Variants in UMAD1 observed in about 807,000 individuals in gnomAD.
UMAD1 encodes the protein UBAP1-MVB12-associated (UMA) domain containing 1.
UMAD1 carries 8 observed loss-of-function variants against 6.1 expected under a neutral mutation model. That is an observed-to-expected ratio of 1.30 (90% CI 0.76 to 2.35). The LOEUF (loss-of-function observed/expected upper bound fraction) is 2.35, where lower values mean the gene tolerates loss of function less well. Ranked by LOEUF, UMAD1 falls within the 30% of genes most tolerant of loss-of-function variation. The probability of loss-of-function intolerance (pLI) is 0.00; values close to 1 mark genes in which losing one functional copy is unlikely to be tolerated. For synonymous variants in UMAD1, 56 were observed against 31.4 expected (o/e 1.78, Z -2.61); for missense variants, 130 against 78.4 (o/e 1.66, Z -2.49).
At chr7:7,728,799 T>C (rs559686535) in intron 2 of UMAD1, among the ~76,000 whole-genome samples, 2 of 152,350 alleles carry the variant, frequency 1.3e-5, no homozygotes, top group African/African-American at 4.8e-5. Flanking sequence ...TTCCTTCTCA[T>C]TTGTGGTGTA....
chr7:7,801,770 C>A (rs760201636), intron 3 of UMAD1, 27 bp downstream of exon 3: 2 of 715,930 alleles, frequency 2.8e-6, no homozygotes, highest in African/African-American at 3.5e-5. Flanking sequence ...AAGTCCTTTT[C>A]GGTGAAACTG....
intron 2 of UMAD1, among the ~76,000 whole-genome samples, chr7:7,735,254 G>A (rs1432715737): frequency 1.3e-5 from 2 of 152,152 alleles, no homozygotes; most frequent in Non-Finnish European, 2.9e-5. Context: ...GATCAAATTA[G>A]AAGGAAAGTT....
intron 3 of UMAD1, among the ~76,000 whole-genome samples, chr7:7,864,907 C>CTAATAAAAATTTT (rs1784198336): frequency 6.6e-6 from 1 of 152,022 alleles, no homozygotes; most frequent in South Asian, 2.1e-4. Flanking sequence ...ATTTTTATGC[C>CTAATAAAAATTTT]TATGTAATAA....
chr7:7,817,817 C>T (rs1364141831), intron 3 of UMAD1, among the ~76,000 whole-genome samples: 1 of 152,018 alleles, frequency 6.6e-6, no homozygotes, highest in African/African-American at 2.4e-5. Flanking sequence ...ATGTTCCCCC[C>T]ACCCCCTTTT....
intron 1 of UMAD1, among the ~76,000 whole-genome samples, chr7:7,650,965 G>T (rs1785211816): frequency 6.6e-6 from 1 of 152,156 alleles, no homozygotes; most frequent in African/African-American, 2.4e-5. Flanking sequence ...GGAACCAGCA[G>T]AATCCCCATA....
At chr7:7,793,795 G>A (rs1273803810) in intron 2 of UMAD1, among the ~76,000 whole-genome samples, 2 of 152,148 alleles carry the variant, frequency 1.3e-5, no homozygotes, top group African/African-American at 4.8e-5. Flanking sequence ...AGAGTCTTCC[G>A]AAGAGTCAGA....
Position 7,847,835 on chromosome 7 carries a change from G to A in UMAD1, c.157-29446G>A, listed in dbSNP as rs536879307. 6.6e-5 allele frequency among the ~76,000 whole-genome samples: 10 copies of A among 152,236 alleles called. No individual in the cohort carries two copies. The South Asian group carries it at 1.9e-3, about 28-fold the overall frequency. ...CAAAATGCTGGGATTACAGGCATGAGGCACCCAGGATGCACATTTTTTAAC... is the reference window on the plus strand; with the variant it reads ...CAAAATGCTGGGATTACAGGCATGAAGCACCCAGGATGCACATTTTTTAAC... On this transcript the variant is annotated intron_variant, in intron 3 of 3. Transcript: ENST00000682710.
chr7:7,812,801 C>CT (rs71014718), intron 3 of UMAD1, among the ~76,000 whole-genome samples: 77,289 of 143,678 alleles, frequency 0.54, 21,139 homozygotes, highest in African/African-American at 0.64. Context: ...ACACAGCCAT[C>CT]TTTTTTTTTT....
intron 1 of UMAD1, among the ~76,000 whole-genome samples, chr7:7,650,237 G>A (rs1785193616): frequency 6.6e-6 from 1 of 151,970 alleles, no homozygotes; most frequent in South Asian, 2.1e-4. Flanking sequence ...CATTATTATT[G>A]CTTTATGCAG....
intron 3 of UMAD1, among the ~76,000 whole-genome samples, chr7:7,872,101 A>G (rs1583886914): frequency 6.6e-6 from 1 of 151,916 alleles, no homozygotes; most frequent in Admixed American, 6.6e-5. Flanking sequence ...AAAATAAAAA[A>G]TAAAAAAAAA....
At chr7:7,652,777 T>G (rs1785252008) in intron 1 of UMAD1, among the ~76,000 whole-genome samples, 1 of 152,220 alleles carries the variant, frequency 6.6e-6, no homozygotes, top group Admixed American at 6.5e-5. Context: ...AAAAGAAGTT[T>G]GTTCTTCAAT....
chr7:7,649,529 T>C (rs1785174957), intron 1 of UMAD1, among the ~76,000 whole-genome samples: 3 of 152,250 alleles, frequency 2.0e-5, no homozygotes, highest in African/African-American at 7.2e-5. Context: ...ACAGCAGGAT[T>C]AATTTCCACG....
intron 3 of UMAD1, among the ~76,000 whole-genome samples, chr7:7,810,041 G>A (rs1782992765): frequency 6.6e-6 from 1 of 151,990 alleles, no homozygotes; most frequent in Non-Finnish European, 1.5e-5. Flanking sequence ...AAAGGAGACT[G>A]GAGGGGGAGA....
In UMAD1 at chr7:7,831,419, A is replaced by G. The variant is rs138222994; in HGVS notation, c.156+29676A>G. Among the ~76,000 whole-genome samples the G allele has an allele frequency of 2.2e-3, 333 of 152,372 alleles. 2 individuals are homozygous for G. Among genetic ancestry groups the G allele is most frequent in the Admixed American group, 7.6e-3 (116 of 15,298 alleles). On this transcript the variant is annotated intron_variant, in intron 3 of 3. Transcript: ENST00000682710. ...AAGGAACAAAGAAGTTCTATTTGTT[A>G]GCTCCATTCTGGAGCCTGTCTTTCT...
chr7:7,872,081 A>C (rs1563276500), intron 3 of UMAD1, among the ~76,000 whole-genome samples: 1 of 151,834 alleles, frequency 6.6e-6, no homozygotes, highest in East Asian at 1.9e-4. Flanking sequence ...ACTCAGCCAT[A>C]AAAAAATAAA....
rs116796327 is a variant in UMAD1, at chr7:7,732,938, T to C, written c.82+59485T>C. On this transcript the variant is annotated intron_variant, in intron 2 of 3. Transcript: ENST00000682710. ...GATGGTTCTTAATAGTACCACCTGC[T>C]AGTTGTTTCATATTAAATTGTGTGA... Among the ~76,000 whole-genome samples, 854 of 152,342 alleles carry C rather than the reference T, an allele frequency of 5.6e-3. 9 individuals are homozygous for C. The highest frequency in any genetic ancestry group is 0.019 in the African/African-American group (796 of 41,588).
intron 3 of UMAD1, among the ~76,000 whole-genome samples, chr7:7,864,484 C>G (rs1238300541): frequency 6.6e-6 from 1 of 151,878 alleles, no homozygotes; most frequent in Admixed American, 6.6e-5. Context: ...CACCCACACT[C>G]AAGCAGATGG....
At chr7:7,686,878 C>T (rs1780053345) in intron 2 of UMAD1, among the ~76,000 whole-genome samples, 1 of 152,192 alleles carries the variant, frequency 6.6e-6, no homozygotes, top group African/African-American at 2.4e-5. Context: ...TGTGTACCTT[C>T]CTTACTCCTC....
At chr7:7,742,842 C>T (rs1314882050) in intron 2 of UMAD1, among the ~76,000 whole-genome samples, 1 of 152,062 alleles carries the variant, frequency 6.6e-6, no homozygotes, top group African/African-American at 2.4e-5. Context: ...ATTTACTATT[C>T]TTTCTGTCAT....
Sources: gnomAD v4.1 joint callset for allele counts (sites outside exome capture counted in the v4.1 genomes callset) on GRCh38, gnomAD v4.1.1 for gene constraint, MANE v1.5 for transcripts, NCBI Gene and HGNC (gene_info 2026-07-23, HGNC 2026-07-21) for gene names.